Variants in SAMHD1 observed in about 807,000 individuals in gnomAD.
SAMHD1 encodes the protein SAM and HD domain containing deoxynucleoside triphosphate triphosphohydrolase 1.
Under a neutral mutation model 79.6 loss-of-function variants are expected in SAMHD1, and 54 were observed. The observed-to-expected ratio is 0.68, with a 90% CI of 0.55 to 0.85. The LOEUF (loss-of-function observed/expected upper bound fraction) is 0.85, where lower values mean the gene tolerates loss of function less well. SAMHD1 is among the 40% of genes least tolerant of loss of function. The probability of loss-of-function intolerance (pLI) is 0.00; values close to 1 mark genes in which losing one functional copy is unlikely to be tolerated. For synonymous variants in SAMHD1, 260 were observed against 264.1 expected (o/e 0.98, Z 0.15); for missense variants, 663 against 782.7 (o/e 0.85, Z 1.82).
chr20:36,903,932 T>A, intron 13 of SAMHD1: 1 of 433,666 alleles, frequency 2.3e-6, no homozygotes. Flanking sequence ...AATTTTTAAT[T>A]AATATAGACA....
chr20:36,951,418 C>T lies in SAMHD1; in HGVS notation c.208+18G>A, dbSNP rs899640716. 6.2e-7 allele frequency: 1 copy of T among 1,612,996 alleles called. No individual in the cohort carries two copies. Among genetic ancestry groups the T allele is most frequent in the Non-Finnish European group, 8.5e-7 (1 of 1,179,794 alleles). On this transcript the variant is annotated intron_variant, in intron 1 of 15. Transcript: ENST00000646673. The stretch of plus-strand genomic sequence containing the variant: ...CAGGTCGCCGCCCTTCGCCCCTCAG[C>T]CCCTCCGGAGCCGCTACCTCGGATG...
rs1990094804 is a variant in SAMHD1, at chr20:36,892,277, G to A, written c.*655C>T. On this transcript the variant is annotated 3_prime_UTR_variant, in exon 16 of 16. Transcript: ENST00000646673. Reference sequence around the variant, plus strand: ...ACTCTTTACCCCAACCTGGCACCTTGTAGGGGGCTAGAAGGGTGAGGGGAG... The same window carrying A: ...ACTCTTTACCCCAACCTGGCACCTTATAGGGGGCTAGAAGGGTGAGGGGAG... 6.4e-6 allele frequency: 1 copy of A among 155,392 alleles called. No individual in the cohort carries two copies. The highest frequency in any genetic ancestry group is 2.4e-5 in the African/African-American group (1 of 41,464). The allele number at this position is 155,392 out of a possible 1,614,324, so 9.6% of individuals were successfully genotyped here.
Position 36,893,122 on chromosome 20 carries a change from T to C in SAMHD1, c.1747-56A>G. On this transcript the variant is annotated intron_variant, in intron 15 of 15. Transcript: ENST00000646673. ...AGAGAAAAGCCAGTTTCCATCATCT[T>C]ATTTCTGAGTGAAAGTCTCAAGTGC... The C allele has an allele frequency of 6.2e-6, 10 of 1,600,214 alleles. No homozygotes were observed. The South Asian group carries it at 1.1e-4, about 18-fold the overall frequency.
intron 6 of SAMHD1, among the ~76,000 whole-genome samples, chr20:36,923,816 A>G (rs2063520741): frequency 6.6e-6 from 1 of 152,200 alleles, no homozygotes; most frequent in South Asian, 2.1e-4. Flanking sequence ...CATAAATCTT[A>G]TTATAAAGTA....
At chr20:36,942,371 T>A (rs2063651793) in intron 2 of SAMHD1, among the ~76,000 whole-genome samples, 2 of 152,130 alleles carry the variant, frequency 1.3e-5, no homozygotes, top group African/African-American at 2.4e-5. Context: ...TGAGCCGAGA[T>A]GGCGCCATTG....
intron 9 of SAMHD1, among the ~76,000 whole-genome samples, chr20:36,915,043 A>T (rs1014902137): frequency 1.3e-5 from 2 of 152,032 alleles, no homozygotes; most frequent in Admixed American, 6.6e-5. Context: ...GGTATATGAT[A>T]CACGTAACAT....
chr20:36,943,818 G>A (rs963777726), intron 2 of SAMHD1, among the ~76,000 whole-genome samples: 1 of 152,104 alleles, frequency 6.6e-6, no homozygotes, highest in African/African-American at 2.4e-5. Flanking sequence ...AGTGGCTCAC[G>A]CCTGTAATCC....
At chr20:36,899,292 G>T (rs1050711275) in intron 13 of SAMHD1, among the ~76,000 whole-genome samples, 6 of 151,676 alleles carry the variant, frequency 4.0e-5, no homozygotes, top group Non-Finnish European at 8.8e-5. Context: ...GCCAGACGTG[G>T]TGTTGTGCAC....
At position 36,890,833 on chromosome 20, in the gene SAMHD1, A is replaced by G. The variant is rs528437129; in HGVS notation, c.*2099T>C. On this transcript the variant is annotated 3_prime_UTR_variant, in exon 16 of 16. Transcript: ENST00000646673. ...GTTCTCATAATGGAAACAGTTGCAA[A>G]GAACATAAAGTACAGCTGCGTTACA... 3.9e-5 allele frequency: 6 copies of G among 152,224 alleles called. No homozygotes were observed. The highest frequency in any genetic ancestry group is 7.3e-5 in the Non-Finnish European group (5 of 68,040). The allele number at this position is 152,224 out of a possible 1,614,324, so 9.4% of individuals were successfully genotyped here. A position where few individuals can be genotyped will look rare whatever the true frequency, so the allele number is the denominator to read the frequency against.
At position 36,898,458 on chromosome 20, in the gene SAMHD1, G is replaced by C. The variant is rs1354357820; in HGVS notation, c.1590C>G (p.Ile530Met). 3.1e-6 allele frequency: 5 copies of C among 1,613,280 alleles called. No individual in the cohort carries two copies. The highest frequency in any genetic ancestry group is 4.2e-6 in the Non-Finnish European group (5 of 1,179,302). ...FYCKTAPNRA[I>M]RITKNQVSQL... ...TAGTTACCTGGTTTTTAGTAATCCT[G>C]ATTGCTCTGTTGGGGGCAGTCTTAC... Residue 530 changes from isoleucine to methionine, a missense_variant, in exon 14 of 16, where the codon ATC (isoleucine) becomes ATG (methionine). Ile to Met is a conservative substitution (Grantham distance 10). Coordinates refer to ENST00000646673, the MANE Select transcript of SAMHD1 (RefSeq NM_015474.4).
chr20:36,900,570 G>GT (rs1214103551), intron 13 of SAMHD1, among the ~76,000 whole-genome samples: 2 of 145,102 alleles, frequency 1.4e-5, no homozygotes, highest in African/African-American at 2.5e-5. Flanking sequence ...CTATTACATA[G>GT]TTTTTTTGTT....
At chr20:36,903,483 C>T (rs1427415041) in intron 13 of SAMHD1, among the ~76,000 whole-genome samples, 2 of 151,814 alleles carry the variant, frequency 1.3e-5, no homozygotes, top group African/African-American at 4.8e-5. Context: ...TTGTGATCGA[C>T]CCGCCTCGGC....
chr20:36,928,000 G>A (rs756531757), intron 5 of SAMHD1, among the ~76,000 whole-genome samples: 22 of 152,108 alleles, frequency 1.4e-4, no homozygotes, highest in Non-Finnish European at 2.1e-4. Context: ...CTTGATAAAT[G>A]GACAATTCTG....
intron 4 of SAMHD1, among the ~76,000 whole-genome samples, chr20:36,933,336 A>G (rs2063579470): frequency 6.6e-6 from 1 of 152,188 alleles, no homozygotes; most frequent in Non-Finnish European, 1.5e-5. Flanking sequence ...GCCTTCTCTA[A>G]GATTATGAAT....
At chr20:36,944,907 T>C (rs575918820) in intron 2 of SAMHD1, among the ~76,000 whole-genome samples, 3 of 152,144 alleles carry the variant, frequency 2.0e-5, no homozygotes, top group Admixed American at 2.0e-4. Context: ...AAAAAAGAAG[T>C]ATTTAAGCAC....
chr20:36,923,096 G>A (rs2063515813), intron 6 of SAMHD1, among the ~76,000 whole-genome samples: 1 of 152,136 alleles, frequency 6.6e-6, no homozygotes, highest in Non-Finnish European at 1.5e-5. Context: ...CGCCTCCTGG[G>A]TTCACGCCAT....
chr20:36,925,457 G>C (rs2063531058), intron 6 of SAMHD1, among the ~76,000 whole-genome samples: 1 of 152,202 alleles, frequency 6.6e-6, no homozygotes, highest in Admixed American at 6.5e-5. Flanking sequence ...CCCCAGGACA[G>C]AAAAACTGGT....
chr20:36,893,168 T>C (rs1990122543), intron 15 of SAMHD1, 102 bp from the exon 16 acceptor site: 4 of 1,434,500 alleles, frequency 2.8e-6, no homozygotes, highest in Non-Finnish European at 3.9e-6. Context: ...ATCTTGCATA[T>C]AGATTGCTTC....
At chr20:36,897,350 A>G (rs1990217314) in intron 15 of SAMHD1, among the ~76,000 whole-genome samples, 1 of 152,234 alleles carries the variant, frequency 6.6e-6, no homozygotes, top group South Asian at 2.1e-4. Context: ...AACCTTCTCT[A>G]CAGGGTTGGC....
Sources: allele counts gnomAD v4.1 joint callset (sites outside exome capture counted in the v4.1 genomes callset), GRCh38; gene constraint gnomAD v4.1.1; transcripts MANE v1.5; gene names NCBI Gene and HGNC (gene_info 2026-07-23, HGNC 2026-07-21).